MYBL2: variants seen among roughly 807,000 people sequenced by gnomAD.
MYBL2 encodes the protein myb-related protein B.
In MYBL2, 28 loss-of-function variants were observed where a neutral mutation model predicts 79.9. The observed-to-expected ratio is 0.35, with a 90% CI of 0.26 to 0.48. MYBL2 has a LOEUF of 0.48. MYBL2 is among the 20% of genes least tolerant of loss of function. MYBL2 has a pLI of 0.99. For synonymous variants in MYBL2, 378 were observed against 361.2 expected (o/e 1.05, Z -0.53); for missense variants, 735 against 893.9 (o/e 0.82, Z 2.27).
At chr20:43,710,845 G>A (rs1987888867) in intron 10 of MYBL2, among the ~76,000 whole-genome samples, 1 of 152,204 alleles carries the variant, frequency 6.6e-6, no homozygotes, top group South Asian at 2.1e-4. Flanking sequence ...TCCTGTTGCA[G>A]TGGAGATTTG....
intron 2 of MYBL2, among the ~76,000 whole-genome samples, chr20:43,675,206 C>A (rs576680021): frequency 6.6e-6 from 1 of 152,212 alleles, no homozygotes; most frequent in Non-Finnish European, 1.5e-5. Flanking sequence ...TCTCAAACTT[C>A]TAGGCTCAAG....
Position 43,716,146 on chromosome 20 carries a change from G to T in MYBL2, c.*59G>T. On this transcript the variant is annotated 3_prime_UTR_variant, in exon 14 of 14. Transcript: ENST00000217026. ...TTACAGGGGTTGTGGGGGCAGAGGG[G>T]GTCTGTGAATCTGAGAGTCATTCAG... The T allele has an allele frequency of 3.1e-6, 5 of 1,591,302 alleles. No individual in the cohort carries two copies. The highest frequency in any genetic ancestry group is 4.2e-6 in the Non-Finnish European group (5 of 1,176,594).
intron 2 of MYBL2, 27 bp downstream of exon 2, chr20:43,673,926 G>C: frequency 6.5e-7 from 1 of 1,540,998 alleles, no homozygotes; most frequent in Non-Finnish European, 8.8e-7. Context: ...AGAGAGGGTT[G>C]ATGGCAGCTG....
chr20:43,668,346 A>G (rs285202), intron 1 of MYBL2, among the ~76,000 whole-genome samples: 146,454 of 151,930 alleles, frequency 0.96, 70,609 homozygotes, highest in African/African-American at 0.98. Context: ...GACTTCAGGC[A>G]CGTGTCACCA....
intron 8 of MYBL2, among the ~76,000 whole-genome samples, chr20:43,704,829 C>T (rs1987744333): frequency 6.6e-6 from 1 of 152,142 alleles, no homozygotes; most frequent in Admixed American, 6.5e-5. Flanking sequence ...AATGATAACC[C>T]CACCGCCACC....
intron 8 of MYBL2, among the ~76,000 whole-genome samples, chr20:43,703,881 C>T (rs556085858): frequency 6.6e-6 from 1 of 152,282 alleles, no homozygotes; most frequent in South Asian, 2.1e-4. Context: ...CTCTCCTTGG[C>T]TTGTAGATGC....
At position 43,715,169 on chromosome 20, in the gene MYBL2, C is replaced by T. The variant is rs1988001094; in HGVS notation, c.1860C>T (p.Thr620=). The change falls in exon 13 of 14, where the codon ACC becomes ACT. Residue 620 remains threonine (T), a synonymous_variant. Transcript: ENST00000217026. ...TTAPSNSSSL[T]LSGIKEDNSL... The stretch of plus-strand genomic sequence containing the variant: ...CCCCTTCAAACTCTTCCAGCCTCAC[C>T]CTGTCAGGTATCAAAGAAGACAACA... The T allele has an allele frequency of 3.7e-6, 6 of 1,614,212 alleles. No homozygotes were observed. The highest frequency in any genetic ancestry group is 5.1e-6 in the Non-Finnish European group (6 of 1,180,050).
At chr20:43,668,442 C>T (rs1166443358) in intron 1 of MYBL2, among the ~76,000 whole-genome samples, 2 of 152,016 alleles carry the variant, frequency 1.3e-5, no homozygotes, top group Non-Finnish European at 2.9e-5. Flanking sequence ...CCTTGTGTTC[C>T]GCCCGACTCG....
At chr20:43,703,142 A>G (rs553276290) in intron 8 of MYBL2, among the ~76,000 whole-genome samples, 7 of 152,266 alleles carry the variant, frequency 4.6e-5, no homozygotes, top group South Asian at 4.1e-4. Context: ...CCAGGAGGAG[A>G]AGGAGGATGC....
chr20:43,695,506 C>A (rs994740774), intron 6 of MYBL2, among the ~76,000 whole-genome samples: 2 of 152,138 alleles, frequency 1.3e-5, no homozygotes, highest in Admixed American at 6.6e-5. Context: ...CTTCTTTGTG[C>A]AGTTATTTCT....
At chr20:43,711,691 G>A in intron 11 of MYBL2, 90 bp downstream of exon 11, 1 of 1,191,732 alleles carries the variant, frequency 8.4e-7, no homozygotes. Context: ...TAGAAAGTGA[G>A]GCGCTGGGGA....
At chr20:43,706,333 G>T (rs192079437) in intron 9 of MYBL2, among the ~76,000 whole-genome samples, 2 of 152,166 alleles carry the variant, frequency 1.3e-5, no homozygotes, top group Non-Finnish European at 2.9e-5. Context: ...CTGTCTGGAA[G>T]CCTGTACAGG....
chr20:43,711,357 G>A (rs935161143), intron 10 of MYBL2, 131 bp from the exon 11 acceptor site: 1 of 636,834 alleles, frequency 1.6e-6, no homozygotes, highest in Non-Finnish European at 2.8e-6. Flanking sequence ...TGTGAGATCT[G>A]CATCCTGGCG....
intron 7 of MYBL2, 137 bp from the exon 8 acceptor site, chr20:43,702,353 G>A (rs1385717388): frequency 1.0e-6 from 1 of 982,962 alleles, no homozygotes; most frequent in African/African-American, 1.6e-5. Flanking sequence ...AGAAAACTTT[G>A]AGGAAATGCA....
In MYBL2 at chr20:43,715,239, G is replaced by C; in HGVS notation, c.1930G>C (p.Ala644Pro). The change falls in exon 13 of 14, where the codon GCA becomes CCA. Residue 644 changes from alanine (A) to proline (P), a missense_variant. This residue lies in a region of MYBL2 where 204 missense variants were observed against 202.9 expected (regional missense o/e 1.01). Coordinates refer to ENST00000217026, the MANE Select transcript of MYBL2 (RefSeq NM_002466.4). ...GFLQAKPEKA[A>P]VAQKPRSHFT... ...CTTGCAGGCCAAGCCCGAGAAGGCAGCAGTGGCCCAGAAGCCCCGAAGCCA... is the reference window on the plus strand; with the variant it reads ...CTTGCAGGCCAAGCCCGAGAAGGCACCAGTGGCCCAGAAGCCCCGAAGCCA... 1 of 1,614,254 alleles carries C rather than the reference G, an allele frequency of 6.2e-7. No individual in the cohort carries two copies.
Position 43,716,109 on chromosome 20 carries a change from C to T in MYBL2, c.*22C>T. 1 of 1,602,248 alleles carries T rather than the reference C, an allele frequency of 6.2e-7. No homozygotes were observed. Among genetic ancestry groups the T allele is most frequent in the Non-Finnish European group, 8.5e-7 (1 of 1,179,426 alleles). ...CTGAGGTGTTGAGGGTGTCACGAGC[C>T]CATTCTCATGTTTACAGGGGTTGTG... On this transcript the variant is annotated 3_prime_UTR_variant, in exon 14 of 14. Coordinates refer to ENST00000217026, the MANE Select transcript of MYBL2 (RefSeq NM_002466.4).
At chr20:43,688,108 ACTT>A (rs1337735365) in intron 5 of MYBL2, among the ~76,000 whole-genome samples, 1 of 149,910 alleles carries the variant, frequency 6.7e-6, no homozygotes, top group Non-Finnish European at 1.5e-5. Context: ...TTTCTAGGAG[ACTT>A]CTTATCTTCT....
rs142738299 is a variant in MYBL2, at chr20:43,704,533, A to T, written c.1366-686A>T. On this transcript the variant is annotated intron_variant, in intron 8 of 13. Coordinates refer to ENST00000217026, the MANE Select transcript of MYBL2 (RefSeq NM_002466.4). The stretch of plus-strand genomic sequence containing the variant: ...GGAGCGTGGTCGCTCTACTCCAGAG[A>T]CCCCATTTAGGGTGGTGACCCTGAG... Among the ~76,000 whole-genome samples the T allele has an allele frequency of 2.1e-3, 317 of 152,132 alleles. 1 individual carries two copies. Among genetic ancestry groups the T allele is most frequent in the African/African-American group, 7.0e-3 (292 of 41,484 alleles).
intron 6 of MYBL2, among the ~76,000 whole-genome samples, chr20:43,696,586 G>T (rs1337556633): frequency 1.3e-5 from 2 of 152,294 alleles, no homozygotes; most frequent in African/African-American, 4.8e-5. Flanking sequence ...GTTCCATGTT[G>T]TTATGTGTAT....
Sources: allele counts gnomAD v4.1 joint callset (sites outside exome capture counted in the v4.1 genomes callset), GRCh38; gene constraint gnomAD v4.1.1; regional missense constraint gnomAD v4.1.1; transcripts MANE v1.5; gene names NCBI Gene and HGNC (gene_info 2026-07-23, HGNC 2026-07-21).